The following CYP24A1 variants were observed in gnomAD, a reference collection of about 807,000 sequenced individuals.
The protein encoded by CYP24A1 is 1,25-dihydroxyvitamin D(3) 24-hydroxylase, mitochondrial.
Under a neutral mutation model 62.4 loss-of-function variants are expected in CYP24A1, and 68 were observed. That is an observed-to-expected ratio of 1.09 (90% CI 0.90 to 1.33). The LOEUF is 1.33. Among genes scored for constraint, CYP24A1 ranks in the 40% most tolerant of loss-of-function variants. CYP24A1 has a pLI of 0.00. For synonymous variants in CYP24A1, 267 were observed against 253.0 expected, an observed-to-expected ratio of 1.06 and a Z score of -0.52; for missense variants, 787 against 653.0, an observed-to-expected ratio of 1.21 and a Z score of -2.24.
rs557925285 is a variant in CYP24A1, at chr20:54,159,122, G to C, written c.992C>G (p.Thr331Arg). ...TELQLAAVET[T>R]ANSLMWILYN... The stretch of plus-strand genomic sequence containing the variant: ...GAGAATCCACATTAGACTGTTTGCT[G>C]TCTGCAAGCCAAATGGACATAAACT... Residue 331 changes from threonine to arginine, a missense_variant and splice_region_variant, in exon 8 of 12, where the codon ACA becomes AGA. By Grantham distance (71) the Thr-to-Arg change is moderately conservative. Transcript: ENST00000216862. 6.2e-7 allele frequency: 1 copy of C among 1,612,616 alleles called. No homozygotes were observed. The highest frequency in any genetic ancestry group is 1.1e-5 in the South Asian group (1 of 91,060).
rs373973327 is a variant in CYP24A1, at chr20:54,173,454, T to C, written c.126A>G (p.Pro42=). ...AYTSPQPREV[P]VCPLTAGGET... ...CGCCACCAGCTGTCAGCGGGCAGAC[T>C]GGCACCTCTCGCGGCTGAGGGGACG... The change falls in exon 1 of 12, where the codon CCA becomes CCG. Residue 42 remains proline (P), a synonymous_variant. Coordinates refer to ENST00000216862, the MANE Select transcript of CYP24A1 (RefSeq NM_000782.5). The surrounding 1 kb of genome is among the most constrained non-coding windows in gnomAD (Gnocchi z 7.2). The C allele has an allele frequency of 2.2e-5, 35 of 1,568,072 alleles. No homozygotes were observed. The highest frequency in any genetic ancestry group is 2.9e-5 in the Non-Finnish European group (33 of 1,156,564).
At chr20:54,168,981 T>C (rs1383629038) in intron 4 of CYP24A1, among the ~76,000 whole-genome samples, 1 of 151,712 alleles carries the variant, frequency 6.6e-6, no homozygotes, top group Admixed American at 6.6e-5. Context: ...CACTTTAGCT[T>C]CAGCGTCCCG....
intron 2 of CYP24A1, among the ~76,000 whole-genome samples, chr20:54,172,324 G>T (rs1234310006): frequency 2.6e-5 from 4 of 152,120 alleles, no homozygotes; most frequent in African/African-American, 9.7e-5. Flanking sequence ...GTAAATAAAG[G>T]TGCTAACTTG....
At chr20:54,146,948 A>G in the CYP24A1 span, among the ~76,000 whole-genome samples, 2 of 152,238 alleles carry the variant, frequency 1.3e-5, no homozygotes, top group Non-Finnish European at 1.5e-5. Flanking sequence ...AACCCAGGAG[A>G]TTAGGAAAAG....
At chr20:54,155,656 G>A (rs974732850) in intron 11 of CYP24A1, among the ~76,000 whole-genome samples, 16 of 150,434 alleles carry the variant, frequency 1.1e-4, no homozygotes, top group Non-Finnish European at 1.9e-4. Flanking sequence ...AGAATCGCAT[G>A]AACCCAGGAG....
chr20:54,171,744 A>G, intron 2 of CYP24A1, 74 bp from the exon 3 acceptor site: 1 of 1,612,734 alleles, frequency 6.2e-7, no homozygotes, highest in Non-Finnish European at 8.5e-7. Flanking sequence ...CTCCAGCTGC[A>G]ACTTCAGGAA....
rs972510187 is a variant in CYP24A1 at position 54,165,933 on chromosome 20, AGT to A, written c.641-102_641-101del. The A allele has an allele frequency of 8.2e-5, 67 of 816,002 alleles. No homozygotes were observed. In the African/African-American group the frequency reaches 9.9e-4, roughly 12 times the overall value. 50.5% of individuals were successfully genotyped at this position (816,002 alleles called of 1,614,324 possible). On this transcript the variant is annotated intron_variant, in intron 4 of 11. Coordinates refer to ENST00000216862, the MANE Select transcript of CYP24A1 (RefSeq NM_000782.5). ...AAGACTCAATTCTATGCCTCTTAAA[AGT>A]GTGGGATTTTCTGAGAAAAGGCAAC...
At chr20:54,164,404 C>A in intron 6 of CYP24A1, 48 bp downstream of exon 6, 1 of 1,613,504 alleles carries the variant, frequency 6.2e-7, no homozygotes, top group Non-Finnish European at 8.5e-7. Context: ...GCTCCAGACA[C>A]GGGGGTGCTG....
chr20:54,163,476 G>A (rs1336739837), intron 6 of CYP24A1, among the ~76,000 whole-genome samples: 1 of 152,176 alleles, frequency 6.6e-6, no homozygotes, highest in Non-Finnish European at 1.5e-5. Flanking sequence ...ATCACATATG[G>A]CACAGCAGTT....
the CYP24A1 span, among the ~76,000 whole-genome samples, chr20:54,144,071 C>T: frequency 2.6e-5 from 4 of 152,186 alleles, no homozygotes; most frequent in African/African-American, 7.2e-5. Context: ...CCTGTGCCAG[C>T]GCTGGCTCCA....
In CYP24A1 at chr20:54,166,419, G is replaced by A. The variant is rs115053551; in HGVS notation, c.641-586C>T. 3.0e-3 allele frequency among the ~76,000 whole-genome samples: 459 copies of A among 152,216 alleles called. 1 individual carries two copies. The highest frequency in any genetic ancestry group is 0.01 in the African/African-American group (425 of 41,522). ...TACCTAGAGAAAAGTTGAAGGAATG[G>A]TAAAATGAATACCTGAATCCCCCGA... On this transcript the variant is annotated intron_variant, in intron 4 of 11. Transcript: ENST00000216862.
intron 9 of CYP24A1, 68 bp downstream of exon 9, chr20:54,158,018 C>A: frequency 6.2e-7 from 1 of 1,601,094 alleles, no homozygotes. Context: ...CTAGGGAGAT[C>A]TGGTGAATAT....
chr20:54,169,344 T>C (rs895014800), intron 4 of CYP24A1, among the ~76,000 whole-genome samples: 1 of 152,230 alleles, frequency 6.6e-6, no homozygotes, highest in Non-Finnish European at 1.5e-5. Flanking sequence ...TCATTCATTG[T>C]CATATCCCTA....
chr20:54,146,834 C>T, the CYP24A1 span, among the ~76,000 whole-genome samples: 1 of 152,154 alleles, frequency 6.6e-6, no homozygotes, highest in Admixed American at 6.5e-5. Context: ...ATCCTGATGA[C>T]TAAGGGTTCT....
At position 54,168,739 on chromosome 20, in the gene CYP24A1, C is replaced by G. The variant is rs180800820; in HGVS notation, c.640+853G>C. ...TTCCTTTCTCTTTTTCTTTTCCTTC[C>G]CTCCTTCCTTCCTTCCTTCTCTCCC... On this transcript the variant is annotated intron_variant, in intron 4 of 11. Transcript: ENST00000216862. 2.5e-3 allele frequency among the ~76,000 whole-genome samples: 342 copies of G among 135,476 alleles called. 3 individuals are homozygous for G. Among genetic ancestry groups the G allele is most frequent in the Non-Finnish European group, 2.5e-3 (158 of 63,872 alleles). The allele number at this position is 135,476 out of a possible 152,430, so 88.9% of individuals were successfully genotyped here.
At chr20:54,146,507 T>C in the CYP24A1 span, among the ~76,000 whole-genome samples, 20 of 152,112 alleles carry the variant, frequency 1.3e-4, no homozygotes, top group Non-Finnish European at 1.0e-4. Flanking sequence ...TAACAATACA[T>C]AAAATGAAGG....
intron 4 of CYP24A1, among the ~76,000 whole-genome samples, chr20:54,166,753 C>T (rs970010401): frequency 2.6e-5 from 4 of 151,862 alleles, no homozygotes; most frequent in Admixed American, 1.3e-4. Flanking sequence ...GACACAGGGC[C>T]GAGCGTGGTG....
chr20:54,171,852 A>G, intron 2 of CYP24A1, 182 bp from the exon 3 acceptor site: 3 of 1,396,934 alleles, frequency 2.1e-6, no homozygotes, highest in East Asian at 2.6e-5. Flanking sequence ...TCTTTTGACA[A>G]TAGTTTGACA....
At chr20:54,146,872 G>T in the CYP24A1 span, among the ~76,000 whole-genome samples, 1 of 152,178 alleles carries the variant, frequency 6.6e-6, no homozygotes, top group Non-Finnish European at 1.5e-5. Flanking sequence ...GATAAAGGAG[G>T]TTCTAGAGGA....
Sources: allele counts gnomAD v4.1 joint callset (sites outside exome capture counted in the v4.1 genomes callset), GRCh38; gene constraint gnomAD v4.1.1; non-coding constraint Gnocchi (gnomAD v3.1); transcripts MANE v1.5; gene names NCBI Gene and HGNC (gene_info 2026-07-23, HGNC 2026-07-21).